CREBRF: variants seen among roughly 807,000 people sequenced by gnomAD.
CREBRF encodes the protein CREB3 regulatory factor, also known as UPF0474 protein C5orf41.
A neutral mutation model predicts 66.1 loss-of-function variants in CREBRF; 5 were observed. That is an observed-to-expected ratio of 0.08 (90% confidence interval 0.04 to 0.16). The LOEUF is 0.16. Among genes scored for constraint, CREBRF ranks in the 10% least tolerant of loss-of-function variants. The pLI, the probability that CREBRF is intolerant of heterozygous loss-of-function variation, is 1.00. For missense variants in CREBRF, 531 were observed against 744.9 expected (o/e 0.71, Z 3.34); for synonymous variants, 229 against 264.4 (o/e 0.87, Z 1.30).
intron 1 of CREBRF, among the ~76,000 whole-genome samples, chr5:173,067,497 G>A (rs918428449): frequency 2.0e-5 from 3 of 152,126 alleles, no homozygotes; most frequent in African/African-American, 7.2e-5. Flanking sequence ...TTCTGGGAAT[G>A]TATACCCAAT....
Position 173,137,577 on chromosome 5 carries a change from TAGG to T in CREBRF, c.*3835_*3837del, listed in dbSNP as rs1273702317. ...ACTATTTCATTTTTCCAGGATTTTT[TAGG>T]AGAAGAGTACCCATTTTGTTTTATA... On this transcript the variant is annotated 3_prime_UTR_variant, in exon 9 of 9. Transcript: ENST00000296953. The T allele has an allele frequency of 3.9e-5, 6 of 152,060 alleles. No individual in the cohort carries two copies. Among genetic ancestry groups the T allele is most frequent in the Admixed American group, 2.6e-4 (4 of 15,262 alleles). The allele number at this position is 152,060 out of a possible 1,614,324, so 9.4% of individuals were successfully genotyped here.
chr5:173,115,801 G>A (rs941625914), intron 7 of CREBRF, among the ~76,000 whole-genome samples: 3 of 151,866 alleles, frequency 2.0e-5, no homozygotes, highest in African/African-American at 7.3e-5. Flanking sequence ...TAGTAGAGAT[G>A]GTGTTTCACC....
intron 7 of CREBRF, among the ~76,000 whole-genome samples, chr5:173,119,900 A>ACAG (rs1418497270): frequency 6.6e-6 from 1 of 152,158 alleles, no homozygotes; most frequent in African/African-American, 2.4e-5. Flanking sequence ...TCATCTGTTA[A>ACAG]AGTGGCAAAT....
In CREBRF at chr5:173,081,905, AAAAC is replaced by A. The variant is rs556563203; in HGVS notation, c.9+1129_9+1132del. On this transcript the variant is annotated intron_variant, in intron 2 of 8. Coordinates refer to ENST00000296953, the MANE Select transcript of CREBRF (RefSeq NM_153607.3). ...GGGGACAGAGCAAGCTCTGTCTCAA[AAAAC>A]AAACAAAAAAGAACAGCTGCCTACC... Among the ~76,000 whole-genome samples the A allele has an allele frequency of 4.6e-5, 7 of 152,134 alleles. No individual in the cohort carries two copies. The South Asian group carries it at 8.3e-4, about 18-fold the overall frequency.
intron 7 of CREBRF, among the ~76,000 whole-genome samples, chr5:173,113,937 AT>A (rs572425570): frequency 5.5e-4 from 84 of 152,260 alleles, no homozygotes; most frequent in African/African-American, 1.9e-3. Context: ...TGCCTCAAAA[AT>A]TGTCCTCTTC....
intron 8 of CREBRF, among the ~76,000 whole-genome samples, chr5:173,126,231 C>G (rs1180541741): frequency 3.3e-5 from 5 of 152,100 alleles, no homozygotes; most frequent in Non-Finnish European, 7.4e-5. Flanking sequence ...GCCTCTGCCT[C>G]CCAGGTTCAA....
chr5:173,104,207 G>T (rs1448013040), intron 4 of CREBRF, among the ~76,000 whole-genome samples: 1 of 152,164 alleles, frequency 6.6e-6, no homozygotes, highest in East Asian at 1.9e-4. Context: ...AGATATGCAG[G>T]ATGAGAGATT....
intron 7 of CREBRF, 54 bp downstream of exon 7, chr5:173,112,433 T>A: frequency 8.2e-7 from 1 of 1,212,460 alleles, no homozygotes; most frequent in South Asian, 1.4e-5. Context: ...TGCTGACCAC[T>A]CTCTCTTTTC....
chr5:173,129,421 C>A (rs1759356906), intron 8 of CREBRF, among the ~76,000 whole-genome samples: 1 of 152,006 alleles, frequency 6.6e-6, no homozygotes, highest in Admixed American at 6.6e-5. Flanking sequence ...CGGCCAGTTA[C>A]ATCTTTTTAA....
At chr5:173,112,443 C>G (rs140105715) in intron 7 of CREBRF, 64 bp downstream of exon 7, 2 of 1,177,628 alleles carry the variant, frequency 1.7e-6, no homozygotes. Context: ...TCTCTCTTTT[C>G]TTTGGTTTGT....
chr5:173,065,435 A>C (rs1757404805), intron 1 of CREBRF, among the ~76,000 whole-genome samples: 1 of 152,108 alleles, frequency 6.6e-6, no homozygotes, highest in African/African-American at 2.4e-5. Context: ...TCAGGTCTCC[A>C]GTCTCTTTTC....
rs191026968 is a variant in CREBRF, at chr5:173,057,961, T to C, written c.-192+1482T>C. 8.0e-4 allele frequency among the ~76,000 whole-genome samples: 122 copies of C among 152,152 alleles called. 2 individuals are homozygous for C. Among genetic ancestry groups the C allele is most frequent in the Non-Finnish European group, 1.4e-3 (93 of 68,000 alleles). ...AGAAAACTGAGCCCACAGGAAGTTATTTAGTTTCGAAGGTTCTTTGGGACT... is the reference window on the plus strand; with the variant it reads ...AGAAAACTGAGCCCACAGGAAGTTACTTAGTTTCGAAGGTTCTTTGGGACT... On this transcript the variant is annotated intron_variant, in intron 1 of 8. Transcript: ENST00000296953.
chr5:173,067,267 C>T lies in CREBRF; in HGVS notation c.-192+10788C>T, dbSNP rs573272321. On this transcript the variant is annotated intron_variant, in intron 1 of 8. Transcript: ENST00000296953. ...TCATGTACAAGTCTTTTAGATATCTCTTTTAACATTCATTACATTTTATTT... is the reference window on the plus strand; with the variant it reads ...TCATGTACAAGTCTTTTAGATATCTTTTTTAACATTCATTACATTTTATTT... Among the ~76,000 whole-genome samples, 3 of 152,302 alleles carry T rather than the reference C, an allele frequency of 2.0e-5. No individual in the cohort carries two copies. In the East Asian group the frequency reaches 5.8e-4, roughly 29 times the overall value.
chr5:173,086,472 T>C (rs1444646706), intron 2 of CREBRF, 29 bp from the exon 3 acceptor site: 1 of 1,609,620 alleles, frequency 6.2e-7, no homozygotes, highest in Non-Finnish European at 8.5e-7. Flanking sequence ...AGTCTTTAAC[T>C]TTCTAAAATA....
intron 1 of CREBRF, among the ~76,000 whole-genome samples, chr5:173,073,304 G>C (rs115879605): frequency 0.016 from 2,470 of 152,236 alleles, 29 homozygotes; most frequent in South Asian, 0.072. Context: ...AGGGACTGGG[G>C]GATAGTGGTT....
At chr5:173,069,417 G>C (rs1014281397) in intron 1 of CREBRF, among the ~76,000 whole-genome samples, 3 of 151,696 alleles carry the variant, frequency 2.0e-5, no homozygotes, top group Admixed American at 6.6e-5. Flanking sequence ...TCTACCTCCC[G>C]GGTTCAAGCA....
rs1445860062 is a variant in CREBRF, at chr5:173,136,039, A to C, written c.*2294A>C. 7.0e-6 allele frequency: 1 copy of C among 143,776 alleles called. No homozygotes were observed. The highest frequency in any genetic ancestry group is 1.5e-5 in the Non-Finnish European group (1 of 67,826). The allele number at this position is 143,776 out of a possible 1,614,324, so 8.9% of individuals were successfully genotyped here. A position where few individuals can be genotyped will look rare whatever the true frequency, so the allele number is the denominator to read the frequency against. ...TTGGAAGTATATGAAGTCTTGACAGAGTGTGTCTGGTAAATTGAAAAGTGT... is the reference window on the plus strand; with the variant it reads ...TTGGAAGTATATGAAGTCTTGACAGCGTGTGTCTGGTAAATTGAAAAGTGT... On this transcript the variant is annotated 3_prime_UTR_variant, in exon 9 of 9. Transcript: ENST00000296953.
chr5:173,133,057 T>C (rs10055297), intron 8 of CREBRF, among the ~76,000 whole-genome samples: 25,673 of 152,244 alleles, frequency 0.17, 3,160 homozygotes, highest in African/African-American at 0.34. Context: ...ATGAGGAAGA[T>C]GAGAAAATCT....
intron 8 of CREBRF, among the ~76,000 whole-genome samples, chr5:173,129,778 CTTAATT>C (rs1357506097): frequency 6.7e-6 from 1 of 149,272 alleles, no homozygotes; most frequent in Non-Finnish European, 1.5e-5. Flanking sequence ...TAAAATGTAA[CTTAATT>C]TTAATTCAGA....
Sources: gnomAD v4.1 joint callset for allele counts (sites outside exome capture counted in the v4.1 genomes callset) on GRCh38, gnomAD v4.1.1 for gene constraint, MANE v1.5 for transcripts, NCBI Gene and HGNC (gene_info 2026-07-23, HGNC 2026-07-21) for gene names.